The following ACOT9 variants were observed in gnomAD, a reference collection of about 807,000 sequenced individuals.
ACOT9 encodes the protein acyl-CoA thioesterase 9, also known as acyl-coenzyme A thioesterase 9, mitochondrial.
In ACOT9, 34 loss-of-function variants were observed where a neutral mutation model predicts 39.7. That is an observed-to-expected ratio of 0.86 (90% CI 0.65 to 1.14). The LOEUF (loss-of-function observed/expected upper bound fraction) is 1.14. Ranked by LOEUF, ACOT9 falls within the 50% of genes most tolerant of loss-of-function variation. ACOT9 has a pLI of 0.00. For missense variants in ACOT9, 313 were observed against 344.1 expected, an observed-to-expected ratio of 0.91 and a Z score of 0.71; for synonymous variants, 110 against 120.5, an observed-to-expected ratio of 0.91 and a Z score of 0.57.
At position 23,703,790 on chromosome X, in the gene ACOT9, G is replaced by T; in HGVS notation, c.*104C>A. 1 of 625,978 alleles carries T rather than the reference G, an allele frequency of 1.6e-6. No homozygotes were observed. The highest frequency in any genetic ancestry group is 3.3e-4 in the Middle Eastern group (1 of 3,054). 51.6% of individuals were successfully genotyped at this position (625,978 alleles called of 1,213,427 possible). A position where few individuals can be genotyped will look rare whatever the true frequency, so the allele number is the denominator to read the frequency against. The stretch of plus-strand genomic sequence containing the variant: ...AAGGCTGAATACATCCTCCTCCTGT[G>T]TGGAGGACACGAAGCAATACTAAAA... On this transcript the variant is annotated 3_prime_UTR_variant, in exon 16 of 16. Coordinates refer to ENST00000379303, the MANE Select transcript of ACOT9 (RefSeq NM_001037171.2).
At chrX:23,711,768 A>G (rs1464757558) in intron 9 of ACOT9, among the ~76,000 whole-genome samples, 2 of 111,503 alleles carry the variant, frequency 1.8e-5, no homozygotes, top group Admixed American at 9.6e-5. Context: ...GCTTGAACCC[A>G]CACACTAATC....
chrX:23,736,595 G>A (rs1226312368), intron 1 of ACOT9, among the ~76,000 whole-genome samples: 1 of 111,659 alleles, frequency 9.0e-6, no homozygotes, highest in Non-Finnish European at 1.9e-5. Context: ...GAGGCAGGTA[G>A]ACAGGTTGAG....
intron 12 of ACOT9, 47 bp from the exon 13 acceptor site, chrX:23,705,641 C>T (rs750548681): frequency 1.7e-6 from 2 of 1,145,375 alleles, no homozygotes; most frequent in East Asian, 6.0e-5. Context: ...TTATGGCCAC[C>T]TTTGTATACA....
rs1601819045 is a variant in ACOT9 at position 23,730,974 on chromosome X, C to T, written c.204G>A (p.Lys68=). ...GASTNWRDHV[K]AMEERKLLHS... is the part of the protein sequence containing the mutation. ...GAAGTAATTTCCTTTCTTCCATTGC[C>T]TTCACATGGTCTCTGAGAAGAAAGG... The change falls in exon 5 of 16, where the codon AAG becomes AAA. Residue 68 remains lysine (K), a synonymous_variant. Coordinates refer to ENST00000379303, the MANE Select transcript of ACOT9 (RefSeq NM_001037171.2). The T allele has an allele frequency of 8.3e-7, 1 of 1,207,472 alleles. No individual in the cohort carries two copies. The highest frequency in any genetic ancestry group is 2.2e-5 in the Admixed American group (1 of 45,288).
chrX:23,730,695 A>AT (rs1929704785), intron 5 of ACOT9, 121 bp downstream of exon 5: 1 of 954,970 alleles, frequency 1.0e-6, no homozygotes, highest in African/African-American at 1.9e-5. Flanking sequence ...CTCTCTAAAT[A>AT]TATCAAAACC....
In ACOT9 at chrX:23,704,780, T is replaced by TC; in HGVS notation, c.1171dup (p.Glu391GlyfsTer81). On this transcript the variant is annotated frameshift_variant, in exon 15 of 16. Transcript: ENST00000379303. LOFTEE classifies it high-confidence loss of function. The stretch of plus-strand genomic sequence containing the variant: ...GACATTGGTGGTTGTATGCTGCTTC[T>TC]CCTGCAGGGAGGCCACTTCACTGTG... 1 of 1,210,552 alleles carries TC rather than the reference T, an allele frequency of 8.3e-7. No individual in the cohort carries two copies. The highest frequency in any genetic ancestry group is 3.0e-5 in the East Asian group (1 of 33,863).
chrX:23,705,918 A>T, intron 11 of ACOT9, 60 bp from the exon 12 acceptor site: 1 of 986,253 alleles, frequency 1.0e-6, no homozygotes, highest in Non-Finnish European at 1.4e-6. Flanking sequence ...TTGAAAAGTA[A>T]AAACATTTGC....
intron 1 of ACOT9, among the ~76,000 whole-genome samples, chrX:23,736,470 A>C: frequency 8.9e-6 from 1 of 112,269 alleles, no homozygotes; most frequent in African/African-American, 3.2e-5. Flanking sequence ...TCCAGATGCA[A>C]AGAAAGTATT....
intron 8 of ACOT9, among the ~76,000 whole-genome samples, chrX:23,716,562 T>C (rs1167258431): frequency 1.8e-5 from 2 of 112,240 alleles, no homozygotes; most frequent in Non-Finnish European, 3.8e-5. Flanking sequence ...CTCCCTATTC[T>C]TACGATGCTT....
At chrX:23,728,024 G>A (rs1019161694) in intron 6 of ACOT9, among the ~76,000 whole-genome samples, 90 of 107,675 alleles carry the variant, frequency 8.4e-4, no homozygotes, top group Non-Finnish European at 6.3e-4. Context: ...GGCCAGGCAC[G>A]GCGGCTCACA....
At chrX:23,712,681 C>T (rs955246222) in intron 9 of ACOT9, among the ~76,000 whole-genome samples, 2 of 111,689 alleles carry the variant, frequency 1.8e-5, no homozygotes, top group South Asian at 3.7e-4. Context: ...AGTGCAATGG[C>T]GCAATCTCGG....
chrX:23,735,824 T>G, intron 2 of ACOT9, 95 bp downstream of exon 2: 1 of 693,454 alleles, frequency 1.4e-6, no homozygotes, highest in Non-Finnish European at 2.1e-6. Flanking sequence ...TTAATATGCC[T>G]CATTTGCTCT....
chrX:23,739,199 G>A (rs866941669), intron 1 of ACOT9, among the ~76,000 whole-genome samples: 4 of 110,880 alleles, frequency 3.6e-5, no homozygotes, highest in Admixed American at 9.6e-5. Context: ...CGGAAGCTGC[G>A]GTGAGCCGAG....
intron 8 of ACOT9, among the ~76,000 whole-genome samples, chrX:23,716,578 C>T (rs1929088323): frequency 8.9e-6 from 1 of 111,952 alleles, no homozygotes. Context: ...TGCTTGAAGG[C>T]CAGTGGTGAG....
At chrX:23,714,062 T>C (rs1404980398) in intron 8 of ACOT9, among the ~76,000 whole-genome samples, 1 of 109,989 alleles carries the variant, frequency 9.1e-6, no homozygotes, top group Non-Finnish European at 1.9e-5. Flanking sequence ...AAAACGCAAA[T>C]AGTATACTGC....
At position 23,737,227 on chromosome X, in the gene ACOT9, C is replaced by T. The variant is rs756337559; in HGVS notation, c.21-1211G>A. 1.3e-4 allele frequency among the ~76,000 whole-genome samples: 14 copies of T among 111,135 alleles called. 1 individual carries two copies. The highest frequency in any genetic ancestry group is 3.3e-5 in the African/African-American group (1 of 30,635). On this transcript the variant is annotated intron_variant, in intron 1 of 15. Transcript: ENST00000379303. Reference sequence around the variant, plus strand: ...ACTTGTGAGGCTGAGGCAGGAGAATCGCTTGAACCCAGGAGATGGAGGTTG... The same window carrying T: ...ACTTGTGAGGCTGAGGCAGGAGAATTGCTTGAACCCAGGAGATGGAGGTTG...
chrX:23,711,330 A>G (rs2146820998), intron 9 of ACOT9, among the ~76,000 whole-genome samples: 1 of 111,337 alleles, frequency 9.0e-6, no homozygotes, highest in East Asian at 2.8e-4. Flanking sequence ...TCAAAAACAC[A>G]CACACACAGA....
intron 2 of ACOT9, 60 bp downstream of exon 2, chrX:23,735,859 A>G: frequency 9.5e-7 from 1 of 1,048,592 alleles, no homozygotes; most frequent in Non-Finnish European, 1.3e-6. Flanking sequence ...TATACCTTTC[A>G]AATAAAAGTA....
chrX:23,717,847 G>A (rs1292835911), intron 8 of ACOT9, among the ~76,000 whole-genome samples: 2 of 111,945 alleles, frequency 1.8e-5, no homozygotes, highest in African/African-American at 6.5e-5. Flanking sequence ...CAGCACTTTG[G>A]GAGGCCGAGG....
Sources: gnomAD v4.1 joint callset for allele counts (sites outside exome capture counted in the v4.1 genomes callset) on GRCh38, gnomAD v4.1.1 for gene constraint, MANE v1.5 for transcripts, NCBI Gene and HGNC (gene_info 2026-07-23, HGNC 2026-07-21) for gene names.